Variants in WDR91 observed in about 807,000 individuals in gnomAD.
WDR91 encodes the protein WD repeat domain 91.
WDR91 carries 52 observed loss-of-function variants against 88.4 expected under a neutral mutation model. The ratio of observed to expected loss-of-function variants is 0.59; its 90% confidence interval spans 0.47 to 0.74. WDR91 has a LOEUF of 0.74. WDR91 is among the 30% of genes least tolerant of loss of function. WDR91 has a pLI of 0.00. For missense variants in WDR91, 824 were observed against 954.5 expected, an observed-to-expected ratio of 0.86 and a Z score of 1.80; for synonymous variants, 362 against 389.5, an observed-to-expected ratio of 0.93 and a Z score of 0.83.
chr7:135,208,049 C>T (rs1270130802), intron 3 of WDR91, among the ~76,000 whole-genome samples: 1 of 152,168 alleles, frequency 6.6e-6, no homozygotes, highest in African/African-American at 2.4e-5. Context: ...CCCACCTCCA[C>T]CAGAAAGTGT....
intron 3 of WDR91, 128 bp from the exon 4 acceptor site, chr7:135,207,330 C>T: frequency 1.3e-6 from 1 of 749,418 alleles, no homozygotes; most frequent in Non-Finnish European, 2.3e-6. Context: ...GTGCTGTGGG[C>T]TCTTGCGGGC....
chr7:135,193,086 T>G (rs549630641), intron 11 of WDR91, 145 bp downstream of exon 11: 3 of 1,204,966 alleles, frequency 2.5e-6, no homozygotes, highest in Non-Finnish European at 3.4e-6. Flanking sequence ...ATCTGCCCAG[T>G]TGGAGTACAC....
chr7:135,194,925 A>G lies in WDR91; in HGVS notation c.1395+9T>C, dbSNP rs757780003. On this transcript the variant is annotated intron_variant, in intron 9 of 14. Coordinates refer to ENST00000354475, the MANE Select transcript of WDR91 (RefSeq NM_014149.4). ...AGCAAAGCGGGCCCCACAGGCCACC[A>G]TTACTCACCAGTCTGTCCCGTTTGG... 2.7e-5 allele frequency: 43 copies of G among 1,613,708 alleles called. 1 individual carries two copies. In the South Asian group the frequency reaches 4.7e-4, roughly 18 times the overall value.
Position 135,197,996 on chromosome 7 carries a change from G to C in WDR91, c.1047C>G (p.Ser349=). The C allele has an allele frequency of 6.2e-7, 1 of 1,614,034 alleles. No individual in the cohort carries two copies. The change falls in exon 7 of 15, where the codon TCC becomes TCG. Residue 349 remains serine (S), a synonymous_variant. Transcript: ENST00000354475. ...GGTGTTCAGGACAACCCCATACCTG[G>C]GAAGTGGTTGTGGAGAAAAGCTCCT... ...ERKELFSTTT[S]QCAEKKPEAS...
chr7:135,207,356 C>A, intron 3 of WDR91, 154 bp from the exon 4 acceptor site: 1 of 658,204 alleles, frequency 1.5e-6, no homozygotes. Context: ...GAAATAGTCG[C>A]TCCCTACAGT....
rs749742878 is a variant in WDR91 at position 135,188,419 on chromosome 7, C to T, written c.1881+14G>A. ...ATCCCGGTGCTCTCTTATCTGAATC[C>T]TGCAGCCGCCTACCTTCCCGTCCTC... On this transcript the variant is annotated intron_variant, in intron 13 of 14. Coordinates refer to ENST00000354475, the MANE Select transcript of WDR91 (RefSeq NM_014149.4). The T allele has an allele frequency of 3.1e-6, 5 of 1,611,824 alleles. No individual in the cohort carries two copies. The Admixed American group carries it at 8.3e-5, about 27-fold the overall frequency.
intron 13 of WDR91, among the ~76,000 whole-genome samples, chr7:135,188,133 A>G (rs1201682654): frequency 6.6e-6 from 1 of 152,118 alleles, no homozygotes; most frequent in Non-Finnish European, 1.5e-5. Flanking sequence ...TGGTCCTGGG[A>G]CCACTCACTA....
intron 13 of WDR91, 53 bp downstream of exon 13, chr7:135,188,380 C>G: frequency 6.6e-7 from 1 of 1,514,762 alleles, no homozygotes; most frequent in South Asian, 1.1e-5. Flanking sequence ...CAACCTGCAG[C>G]CGGCCCACAT....
At chr7:135,209,397 C>T (rs1045409244) in intron 2 of WDR91, 179 bp downstream of exon 2, 5 of 551,546 alleles carry the variant, frequency 9.1e-6, no homozygotes, top group African/African-American at 3.9e-5. Context: ...GTCAGATGAT[C>T]TACAGATGAC....
At chr7:135,211,338 C>A (rs750445203) in intron 1 of WDR91, 42 bp downstream of exon 1, 12 of 1,583,326 alleles carry the variant, frequency 7.6e-6, no homozygotes, top group Non-Finnish European at 8.6e-6. Flanking sequence ...CCCCGGCTCC[C>A]TCGGGCCGCC....
In WDR91 at chr7:135,211,269, C is replaced by T. The variant is rs969540424; in HGVS notation, c.123+111G>A. 3 of 1,443,446 alleles carry T rather than the reference C, an allele frequency of 2.1e-6. No individual in the cohort carries two copies. In the African/African-American group the frequency reaches 4.4e-5, roughly 21 times the overall value. 89.4% of individuals were successfully genotyped at this position (1,443,446 alleles called of 1,614,324 possible). The stretch of plus-strand genomic sequence containing the variant: ...TCGGACGCGCTGAGGTCTCCGGCGC[C>T]CCGGCGCGAGTGACAGCGCCGCTCT... On this transcript the variant is annotated intron_variant, in intron 1 of 14. Transcript: ENST00000354475.
chr7:135,197,000 T>C lies in WDR91; in HGVS notation c.1051-663A>G, dbSNP rs1831399367. The C allele has an allele frequency of 6.6e-6, 1 of 152,270 alleles. No individual in the cohort carries two copies. Among genetic ancestry groups the C allele is most frequent in the Non-Finnish European group, 1.5e-5 (1 of 68,146 alleles). 9.4% of individuals were successfully genotyped at this position (152,270 alleles called of 1,614,324 possible). On this transcript the variant is annotated intron_variant, in intron 7 of 14. Coordinates refer to ENST00000354475, the MANE Select transcript of WDR91 (RefSeq NM_014149.4). This position sits in a 1 kb window ranked among gnomAD's most constrained non-coding sequence, Gnocchi z 4.2. Reference sequence around the variant, plus strand: ...TGGGGGTCCAAGGCTGCCCCATCTCTACGTCCCTGGGACAGCAGGTGTTGG... The same window carrying C: ...TGGGGGTCCAAGGCTGCCCCATCTCCACGTCCCTGGGACAGCAGGTGTTGG...
At chr7:135,210,951 C>T in intron 1 of WDR91, 1 of 702,930 alleles carries the variant, frequency 1.4e-6, no homozygotes, top group East Asian at 2.7e-5. Context: ...CCATTTTAAA[C>T]AAACACCGCA....
chr7:135,210,736 C>T, intron 1 of WDR91: 1 of 701,800 alleles, frequency 1.4e-6, no homozygotes, highest in Non-Finnish European at 2.6e-6. Flanking sequence ...ACCAGATCTC[C>T]TAACTCCCCT....
chr7:135,207,251 T>C (rs778860957), intron 3 of WDR91, 49 bp from the exon 4 acceptor site: 3 of 1,515,346 alleles, frequency 2.0e-6, no homozygotes, highest in Non-Finnish European at 1.8e-6. Context: ...TTAAACGTCC[T>C]TCCCAAACCC....
chr7:135,200,164 C>T (rs1474031864), intron 6 of WDR91: 1 of 152,172 alleles, frequency 6.6e-6, no homozygotes. Context: ...CTGGTGAATG[C>T]GGTTGTCCAC....
rs764326942 is a variant in WDR91 at position 135,186,103 on chromosome 7, C to A, written c.*48G>T. 7.8e-6 allele frequency: 12 copies of A among 1,541,470 alleles called. No individual in the cohort carries two copies. In the Admixed American group the frequency reaches 8.8e-5, roughly 11 times the overall value. ...GTTTTCCTGTCCTATATCTCCTCCC[C>A]CCACCGCAGATAATACTGCTTCCTC... is the stretch of plus-strand genomic sequence containing the variant. On this transcript the variant is annotated 3_prime_UTR_variant, in exon 15 of 15. Transcript: ENST00000354475.
At chr7:135,193,847 A>C in intron 9 of WDR91, 175 bp from the exon 10 acceptor site, 1 of 600,770 alleles carries the variant, frequency 1.7e-6, no homozygotes, top group Non-Finnish European at 3.0e-6. Context: ...AATTAAACAA[A>C]GACGTGAGAG....
rs757291793 is a variant in WDR91, at chr7:135,209,606, C to A, written c.273G>T (p.Leu91=). 4 of 1,608,942 alleles carry A rather than the reference C, an allele frequency of 2.5e-6. No homozygotes were observed. Among genetic ancestry groups the A allele is most frequent in the Non-Finnish European group, 3.4e-6 (4 of 1,177,380 alleles). ...TTGTGTAGACAAGATAAAATCGAAA[C>A]AGGCTGGTTTTCAGCTTGTGGATTG... ...RPTIHKLKTS[L]FRFYLVYTIQ... Residue 91 remains leucine, a synonymous_variant, in exon 2 of 15, where the codon CTG becomes CTT. Coordinates refer to ENST00000354475, the MANE Select transcript of WDR91 (RefSeq NM_014149.4).
Sources: allele counts gnomAD v4.1 joint callset (sites outside exome capture counted in the v4.1 genomes callset), GRCh38; gene constraint gnomAD v4.1.1; non-coding constraint Gnocchi (gnomAD v3.1); transcripts MANE v1.5; gene names NCBI Gene and HGNC (gene_info 2026-07-23, HGNC 2026-07-21).